Variants in CTNNA2 observed in about 807,000 individuals in gnomAD.
The protein encoded by CTNNA2 is catenin alpha-2.
Under a neutral mutation model 101.0 loss-of-function variants are expected in CTNNA2, and 42 were observed. The ratio of observed to expected loss-of-function variants is 0.42; its 90% CI spans 0.32 to 0.54. The LOEUF is 0.54. Ranked by LOEUF, CTNNA2 falls within the 20% of genes least tolerant of loss-of-function variation. The probability of loss-of-function intolerance (pLI) is 0.14; values close to 1 mark genes in which losing one functional copy is unlikely to be tolerated. For synonymous variants in CTNNA2, 450 were observed against 456.4 expected (o/e 0.99, Z 0.18); for missense variants, 871 against 1,223.1 (o/e 0.71, Z 4.29).
intron 15 of CTNNA2, among the ~76,000 whole-genome samples, chr2:80,590,456 C>CAT (rs3836001): frequency 0.53 from 79,434 of 151,296 alleles, 21,074 homozygotes; most frequent in East Asian, 0.65. Flanking sequence ...GGAAAACACA[C>CAT]ATATGCAAAG....
At chr2:80,221,237 G>T (rs2149054682) in intron 7 of CTNNA2, among the ~76,000 whole-genome samples, 1 of 152,298 alleles carries the variant, frequency 6.6e-6, no homozygotes, top group Non-Finnish European at 1.5e-5. Flanking sequence ...CAAGCACATA[G>T]GTTCTGATAG....
intron 1 of CTNNA2, among the ~76,000 whole-genome samples, chr2:79,555,835 C>T (rs1348022459): frequency 6.6e-6 from 1 of 152,050 alleles, no homozygotes; most frequent in Non-Finnish European, 1.5e-5. Context: ...AAAGACTGAG[C>T]TGAGTAAGTA....
chr2:79,632,636 G>A (rs751399397), intron 1 of CTNNA2, among the ~76,000 whole-genome samples: 17 of 152,288 alleles, frequency 1.1e-4, no homozygotes, highest in Non-Finnish European at 2.4e-4. Flanking sequence ...TTTCTCAGTA[G>A]GATCACTGTT....
At chr2:79,331,482 A>C (rs904701071) in intron 3 of CTNNA2, among the ~76,000 whole-genome samples, 5 of 152,140 alleles carry the variant, frequency 3.3e-5, no homozygotes, top group African/African-American at 1.2e-4. Context: ...CTTTCCCTAA[A>C]GCCCTCTGTC....
rs756060274 is a variant in CTNNA2, at chr2:80,574,318, T to A, written c.1893+4T>A. ...AAAGGCTGTGCTGATGATCAGGGTA[T>A]GTGAGGCCTCTGTAGCTCAGAGCTG... is the stretch of plus-strand genomic sequence containing the variant. On this transcript the variant is annotated splice_donor_region_variant and intron_variant, in intron 13 of 18. Coordinates refer to ENST00000402739, the MANE Select transcript of CTNNA2 (RefSeq NM_001282597.3). 80 of 1,607,812 alleles carry A rather than the reference T, an allele frequency of 5.0e-5. No homozygotes were observed. Among genetic ancestry groups the A allele is most frequent in the Non-Finnish European group, 6.3e-5 (74 of 1,175,340 alleles).
At chr2:79,759,728 T>C (rs1309011021) in intron 3 of CTNNA2, among the ~76,000 whole-genome samples, 2 of 152,212 alleles carry the variant, frequency 1.3e-5, no homozygotes, top group Non-Finnish European at 2.9e-5. Flanking sequence ...TGAACTGAGC[T>C]TTGTTTTCTT....
intron 4 of CTNNA2, among the ~76,000 whole-genome samples, chr2:79,864,020 A>T (rs560945164): frequency 6.6e-6 from 1 of 152,172 alleles, no homozygotes; most frequent in African/African-American, 2.4e-5. Context: ...AGAACCAGGA[A>T]CCAAACCCTT....
chr2:80,531,809 T>A (rs1310385463), intron 9 of CTNNA2, among the ~76,000 whole-genome samples: 2 of 152,228 alleles, frequency 1.3e-5, no homozygotes, highest in African/African-American at 2.4e-5. Context: ...AGTTGATACT[T>A]CTCTCATTTC....
chr2:79,275,491 A>T (rs1254913611), intron 2 of CTNNA2, among the ~76,000 whole-genome samples: 1 of 152,056 alleles, frequency 6.6e-6, no homozygotes, highest in African/African-American at 2.4e-5. Flanking sequence ...AGTACCAATC[A>T]ATTTAGAATT....
intron 4 of CTNNA2, among the ~76,000 whole-genome samples, chr2:79,480,408 G>A (rs1671096521): frequency 6.6e-6 from 1 of 152,072 alleles, no homozygotes; most frequent in Non-Finnish European, 1.5e-5. Flanking sequence ...ATTGTCCTAG[G>A]CATCCATATA....
intron 7 of CTNNA2, among the ~76,000 whole-genome samples, chr2:79,953,213 A>G (rs1165114827): frequency 6.6e-6 from 1 of 152,124 alleles, no homozygotes; most frequent in Non-Finnish European, 1.5e-5. Flanking sequence ...TCTGGAAGGT[A>G]GATTCCCACT....
chr2:80,603,991 G>A, intron 15 of CTNNA2, 83 bp from the exon 16 acceptor site: 1 of 1,162,538 alleles, frequency 8.6e-7, no homozygotes, highest in Non-Finnish European at 1.3e-6. Flanking sequence ...TACAACACTA[G>A]ACTCCTGGAC....
At chr2:80,001,741 C>G (rs572927791) in intron 7 of CTNNA2, among the ~76,000 whole-genome samples, 1 of 152,086 alleles carries the variant, frequency 6.6e-6, no homozygotes. Flanking sequence ...AGGAGGCGGC[C>G]GGACACAGCC....
chr2:80,411,021 C>T (rs987112192), intron 8 of CTNNA2, among the ~76,000 whole-genome samples: 1 of 152,192 alleles, frequency 6.6e-6, no homozygotes, highest in African/African-American at 2.4e-5. Flanking sequence ...TCTGCCACCA[C>T]CTGGCTTATG....
intron 4 of CTNNA2, among the ~76,000 whole-genome samples, chr2:79,409,008 G>A (rs1402199132): frequency 2.6e-5 from 4 of 151,568 alleles, no homozygotes; most frequent in Admixed American, 1.3e-4. Flanking sequence ...GTGTGAGATG[G>A]TATCTCATTG....
intron 3 of CTNNA2, among the ~76,000 whole-genome samples, chr2:79,780,753 T>G (rs1382562768): frequency 6.6e-6 from 1 of 152,232 alleles, no homozygotes; most frequent in African/African-American, 2.4e-5. Flanking sequence ...CTGCACTTAC[T>G]GTTTAGAAGT....
intron 4 of CTNNA2, among the ~76,000 whole-genome samples, chr2:79,448,139 T>G (rs1415434607): frequency 6.6e-6 from 1 of 152,034 alleles, no homozygotes; most frequent in African/African-American, 2.4e-5. Context: ...TTTATGGAAA[T>G]AATTTTAAAA....
At chr2:79,380,348 A>T (rs944887547) in intron 4 of CTNNA2, among the ~76,000 whole-genome samples, 1 of 151,922 alleles carries the variant, frequency 6.6e-6, no homozygotes, top group Non-Finnish European at 1.5e-5. Context: ...AGGCAGCAGC[A>T]TTACTCTCCG....
chr2:79,963,070 CAAAAAAAAAAA>C (rs56764501), intron 7 of CTNNA2, among the ~76,000 whole-genome samples: 4 of 66,198 alleles, frequency 6.0e-5, no homozygotes, highest in East Asian at 4.5e-4. Context: ...GACTCCGTCT[CAAAAAAAAAAA>C]AAAAAAAAAA....
Sources: gnomAD v4.1 joint callset for allele counts (sites outside exome capture counted in the v4.1 genomes callset) on GRCh38, gnomAD v4.1.1 for gene constraint, MANE v1.5 for transcripts, NCBI Gene and HGNC (gene_info 2026-07-23, HGNC 2026-07-21) for gene names.